The following PPL variants were observed in gnomAD, a reference collection of about 807,000 sequenced individuals.
PPL encodes periplakin.
In PPL, 198 loss-of-function variants were observed where a neutral mutation model predicts 194.4. That is an observed-to-expected ratio of 1.02 (90% CI 0.91 to 1.15). The LOEUF is 1.15. PPL is among the 50% of genes most tolerant of loss of function. The probability of loss-of-function intolerance (pLI) is 0.00; values close to 1 mark genes in which losing one functional copy is unlikely to be tolerated. For synonymous variants in PPL, 1,220 were observed against 972.4 expected, an observed-to-expected ratio of 1.25 and a Z score of -4.74; for missense variants, 2,885 against 2,294.8, an observed-to-expected ratio of 1.26 and a Z score of -5.25.
chr16:4,891,287 T>C (rs1394935569), intron 16 of PPL, among the ~76,000 whole-genome samples: 1 of 151,922 alleles, frequency 6.6e-6, no homozygotes, highest in Non-Finnish European at 1.5e-5. Context: ...TCAGGCAGTG[T>C]GGGAAGGGGG....
chr16:4,885,096 C>A lies in PPL; in HGVS notation c.3559G>T (p.Glu1187Ter). ...IVRPDPKAES[E>*]VANLRLELVE... is the part of the protein sequence containing the mutation. The stretch of plus-strand genomic sequence containing the variant: ...AGCTCCAGGCGGAGGTTCGCCACTT[C>A]ACTTTCCGCCTTGGGGTCTGGCCGC... The change falls in exon 22 of 22, where the codon GAA (glutamate) becomes TAA (stop). Residue 1187 changes from glutamate to a stop codon, truncating the protein, a stop_gained. Transcript: ENST00000345988. LOFTEE classifies it high-confidence loss of function. The surrounding 1 kb of genome is among the most constrained non-coding windows in gnomAD (Gnocchi z 6.3). The A allele has an allele frequency of 6.2e-6, 10 of 1,613,872 alleles. No individual in the cohort carries two copies. The highest frequency in any genetic ancestry group is 8.5e-6 in the Non-Finnish European group (10 of 1,180,028).
At chr16:4,918,679 C>G (rs1329136645) in intron 1 of PPL, among the ~76,000 whole-genome samples, 1 of 152,202 alleles carries the variant, frequency 6.6e-6, no homozygotes, top group Non-Finnish European at 1.5e-5. Flanking sequence ...CAAGGCAGAG[C>G]TGGGATTCGA....
chr16:4,888,891 G>A, intron 19 of PPL, 87 bp downstream of exon 19: 1 of 1,330,182 alleles, frequency 7.5e-7, no homozygotes, highest in East Asian at 2.3e-5. Flanking sequence ...CCATGTGCCA[G>A]GGCCGGTGCT....
At position 4,887,243 on chromosome 16, in the gene PPL, T is replaced by C. The variant is rs370856200; in HGVS notation, c.2515-16A>G. 3.3e-5 allele frequency: 53 copies of C among 1,598,284 alleles called. No individual in the cohort carries two copies. The highest frequency in any genetic ancestry group is 4.5e-5 in the Non-Finnish European group (53 of 1,165,944). ...GTGCTGCTTCCTGCAGAGAAGAGGA[T>C]TAGGAGAGCGGTCAACAAACAGGTG... On this transcript the variant is annotated splice_polypyrimidine_tract_variant and intron_variant, in intron 20 of 21. Transcript: ENST00000345988.
chr16:4,920,341 G>GAAAGAAAGAAAGAAAGAAAGAAAGAA (rs1294847034), intron 1 of PPL, among the ~76,000 whole-genome samples: 1 of 10,926 alleles, frequency 9.2e-5, no homozygotes, highest in African/African-American at 1.1e-4. Flanking sequence ...GAAAGAGAGA[G>GAAAGAAAGAAAGAAAGAAAGAAAGAA]AGAGAGAAAG....
chr16:4,923,424 C>T (rs1286982257), intron 1 of PPL, among the ~76,000 whole-genome samples: 1 of 152,178 alleles, frequency 6.6e-6, no homozygotes, highest in East Asian at 1.9e-4. Flanking sequence ...TGCTTCCCGG[C>T]CTCCTGCCCC....
intron 1 of PPL, among the ~76,000 whole-genome samples, chr16:4,924,615 C>T (rs1458484986): frequency 6.6e-6 from 1 of 152,214 alleles, no homozygotes; most frequent in Non-Finnish European, 1.5e-5. Context: ...AGGGTCTCCT[C>T]TGTGGGTCCC....
intron 1 of PPL, among the ~76,000 whole-genome samples, chr16:4,929,735 G>A (rs901933744): frequency 6.6e-6 from 1 of 152,020 alleles, no homozygotes; most frequent in Non-Finnish European, 1.5e-5. Flanking sequence ...TGCCCAGGCT[G>A]GAGTGCAGTG....
In PPL at chr16:4,890,294, A is replaced by C; in HGVS notation, c.2203T>G (p.Phe735Val). The change falls in exon 18 of 22, where the codon TTC becomes GTC. Residue 735 changes from phenylalanine to valine, a missense_variant. By Grantham distance (50) the Phe-to-Val change is conservative. Transcript: ENST00000345988. ...AGCACGTGGTCATGGCCGCGGTGGA[A>C]GTGCTCGTAGGCTGCCTTGGCGCTC... ...LQSAKAAYEH[F>V]HRGHDHVLQF... is the part of the protein sequence containing the mutation. 2.5e-6 allele frequency: 4 copies of C among 1,614,116 alleles called. No homozygotes were observed. The highest frequency in any genetic ancestry group is 1.1e-5 in the South Asian group (1 of 91,084).
rs141615520 is a variant in PPL at position 4,894,624 on chromosome 16, G to A, written c.1243-6C>T. The A allele has an allele frequency of 1.2e-4, 201 of 1,611,790 alleles. 1 individual carries two copies. In the African/African-American group the frequency reaches 2.5e-3, roughly 20 times the overall value. Reference sequence around the variant, plus strand: ...TAGCCCCGCGAGATCAGGCCCTGGCGGGGGCAGGCTGGACAGTCAGGATCC... The same window carrying A: ...TAGCCCCGCGAGATCAGGCCCTGGCAGGGGCAGGCTGGACAGTCAGGATCC... On this transcript the variant is annotated splice_polypyrimidine_tract_variant and splice_region_variant and intron_variant, in intron 11 of 21. Coordinates refer to ENST00000345988, the MANE Select transcript of PPL (RefSeq NM_002705.5).
At position 4,894,458 on chromosome 16, in the gene PPL, C is replaced by T; in HGVS notation, c.1394+9G>A. On this transcript the variant is annotated intron_variant, in intron 12 of 21. Transcript: ENST00000345988. ...TGGTCCATGCAGACTCCCGCCTTTG[C>T]CCTTGTACCTGTCAGCCAGAGCCAG... 6.2e-7 allele frequency: 1 copy of T among 1,613,622 alleles called. No individual in the cohort carries two copies. Among genetic ancestry groups the T allele is most frequent in the Admixed American group, 1.7e-5 (1 of 60,006 alleles).
intron 3 of PPL, 88 bp downstream of exon 3, chr16:4,903,798 C>T: frequency 6.6e-7 from 1 of 1,513,316 alleles, no homozygotes; most frequent in Non-Finnish European, 9.0e-7. Flanking sequence ...TAACCCCTGA[C>T]TCGGGCTCCC....
At chr16:4,890,483 C>T (rs886826674) in intron 17 of PPL, 149 bp from the exon 18 acceptor site, 30 of 1,149,410 alleles carry the variant, frequency 2.6e-5, no homozygotes, top group African/African-American at 1.4e-4. Flanking sequence ...CATTAGGGAA[C>T]GTCAGGTTGG....
rs1347051956 is a variant in PPL, at chr16:4,885,406, G to C, written c.3249C>G (p.Leu1083=). ...TCAGCTCCTCCTCCTGCTTCTCCCTGAGCTGGTCCTGGCGCTGGTGGTCCT... is the reference window on the plus strand; with the variant it reads ...TCAGCTCCTCCTCCTGCTTCTCCCTCAGCTGGTCCTGGCGCTGGTGGTCCT... ...LQEDHQRQDQ[L]REKQEEELSF... The change falls in exon 22 of 22, where the codon CTC becomes CTG. Residue 1083 remains leucine (L), a synonymous_variant. Transcript: ENST00000345988. The surrounding 1 kb of genome is among the most constrained non-coding windows in gnomAD (Gnocchi z 6.3). 5.0e-6 allele frequency: 8 copies of C among 1,612,666 alleles called. No homozygotes were observed. The highest frequency in any genetic ancestry group is 6.8e-6 in the Non-Finnish European group (8 of 1,179,950).
Position 4,902,319 on chromosome 16 carries a change from C to T in PPL, c.438+87G>A. 6.4e-7 allele frequency: 1 copy of T among 1,560,786 alleles called. No individual in the cohort carries two copies. The highest frequency in any genetic ancestry group is 1.2e-5 in the South Asian group (1 of 83,120). ...TGTCTCCCTGGTAAGACCCGGGATG[C>T]CCATTACATGGGTAGGCTCTCCCTG... On this transcript the variant is annotated intron_variant, in intron 4 of 21. Coordinates refer to ENST00000345988, the MANE Select transcript of PPL (RefSeq NM_002705.5). This position sits in a 1 kb window ranked among gnomAD's most constrained non-coding sequence, Gnocchi z 4.0.
chr16:4,892,956 ATGTGCCATGCCAGG>A (rs1186476902), intron 14 of PPL: 4 of 448,828 alleles, frequency 8.9e-6, no homozygotes, highest in Non-Finnish European at 1.6e-5. Flanking sequence ...TCCACAGCCC[ATGTGCCATGCCAGG>A]CGTCAGATCG....
chr16:4,920,520 G>C (rs745795711), intron 1 of PPL, among the ~76,000 whole-genome samples: 15 of 151,988 alleles, frequency 9.9e-5, no homozygotes, highest in Admixed American at 2.0e-4. Flanking sequence ...CTGCAGTGCA[G>C]TGGCAAAATC....
chr16:4,896,702 C>T (rs977450780), intron 9 of PPL, among the ~76,000 whole-genome samples: 9 of 148,620 alleles, frequency 6.1e-5, no homozygotes, highest in East Asian at 6.0e-4. Flanking sequence ...TGCAATGGCG[C>T]GATCTCAGCT....
At chr16:4,905,177 G>A (rs1271612734) in intron 2 of PPL, among the ~76,000 whole-genome samples, 1 of 152,172 alleles carries the variant, frequency 6.6e-6, no homozygotes, top group Non-Finnish European at 1.5e-5. Context: ...CCTTCCCCTA[G>A]CTGGGTCTCA....
Sources: allele counts gnomAD v4.1 joint callset (sites outside exome capture counted in the v4.1 genomes callset), GRCh38; gene constraint gnomAD v4.1.1; non-coding constraint Gnocchi (gnomAD v3.1); transcripts MANE v1.5; gene names NCBI Gene and HGNC (gene_info 2026-07-23, HGNC 2026-07-21).